The following GABRD variants were observed in gnomAD, a reference collection of about 807,000 sequenced individuals.
The protein encoded by GABRD is gamma-aminobutyric acid type A receptor subunit delta.
A neutral mutation model predicts 47.3 loss-of-function variants in GABRD; 25 were observed. The observed-to-expected ratio is 0.53, with a 90% confidence interval of 0.39 to 0.74. GABRD has a LOEUF of 0.74. Among genes scored for constraint, GABRD ranks in the 30% least tolerant of loss-of-function variants. The pLI, the probability that GABRD is intolerant of heterozygous loss-of-function variation, is 0.00. For synonymous variants in GABRD, 314 were observed against 278.8 expected (o/e 1.13, Z -1.26); for missense variants, 497 against 643.4 (o/e 0.77, Z 2.46).
chr1:2,028,264 C>T lies in GABRD; in HGVS notation c.663C>T (p.Phe221=), dbSNP rs1293843075. 12 of 1,612,040 alleles carry T rather than the reference C, an allele frequency of 7.4e-6. No homozygotes were observed. The highest frequency in any genetic ancestry group is 8.5e-6 in the Non-Finnish European group (10 of 1,179,652). The change falls in exon 6 of 9, where the codon TTC becomes TTT. Residue 221 remains phenylalanine (F), a synonymous_variant. Transcript: ENST00000378585. This position sits in a 1 kb window ranked among gnomAD's most constrained non-coding sequence, Gnocchi z 6.4. ...AGTTCACCATCACCAGCTACCGCTT[C>T]ACCACGGAGCTGATGAACTTCAAGT... ...LAQFTITSYR[F]TTELMNFKSA...
intron 8 of GABRD, 28 bp from the exon 9 acceptor site, chr1:2,029,955 C>A: frequency 6.2e-7 from 1 of 1,610,376 alleles, no homozygotes. Context: ...AGTGCTCAGC[C>A]CTGTCTCCCC....
rs201101812 is a variant in GABRD, at chr1:2,029,663, C to T, written c.960C>T (p.Phe320=). The stretch of plus-strand genomic sequence containing the variant: ...TCTACTTCTGGATCTGCTATGTCTT[C>T]GTGTTTGCCGCCCTGGTGGAGTACG... ...LDVYFWICYV[F]VFAALVEYAF... is the part of the protein sequence containing the mutation. The change falls in exon 8 of 9, where the codon TTC becomes TTT. Residue 320 remains phenylalanine (F), a synonymous_variant. Transcript: ENST00000378585. 3.2e-5 allele frequency: 51 copies of T among 1,613,582 alleles called. No homozygotes were observed. The East Asian group carries it at 1.0e-3, about 32-fold the overall frequency.
chr1:2,026,874 C>G (rs1658943453), intron 4 of GABRD: 1 of 152,408 alleles, frequency 6.6e-6, no homozygotes, highest in Admixed American at 6.5e-5. Flanking sequence ...CAGGAGGCAG[C>G]CGGGTGCAGT....
At chr1:2,021,134 G>A (rs1658759525) in intron 1 of GABRD, among the ~76,000 whole-genome samples, 1 of 152,220 alleles carries the variant, frequency 6.6e-6, no homozygotes, top group African/African-American at 2.4e-5. Context: ...GGGTGCCGTT[G>A]GGGAGGACAC....
In GABRD at chr1:2,019,448, GC is replaced by G; in HGVS notation, c.29del (p.Pro10ArgfsTer16). 1 of 1,087,350 alleles carries G rather than the reference GC, an allele frequency of 9.2e-7. No homozygotes were observed. Among genetic ancestry groups the G allele is most frequent in the Non-Finnish European group, 1.1e-6 (1 of 898,490 alleles). 67.4% of individuals were successfully genotyped at this position (1,087,350 alleles called of 1,614,324 possible). MDAPARLL[A>X]PLLLLCAQQL... ...CATGGACGCGCCCGCCCGGCTGCTG[GC>G]CCCGCTCCTGCTCCTCTGCGCGCAG... On this transcript the variant is annotated frameshift_variant, in exon 1 of 9. Coordinates refer to ENST00000378585, the MANE Select transcript of GABRD (RefSeq NM_000815.5). LOFTEE classifies it high-confidence loss of function.
rs2102151065 is a variant in GABRD, at chr1:2,028,250, A to AC, written c.651dup (p.Ser218GlnfsTer211). 1.9e-6 allele frequency: 3 copies of AC among 1,612,034 alleles called. No individual in the cohort carries two copies. The highest frequency in any genetic ancestry group is 2.5e-6 in the Non-Finnish European group (3 of 1,179,674). ...GCTGCAGCTGGCGCAGTTCACCATC[A>AC]CCAGCTACCGCTTCACCACGGAGCT... On this transcript the variant is annotated frameshift_variant, in exon 6 of 9. Transcript: ENST00000378585. LOFTEE classifies it high-confidence loss of function. This position sits in a 1 kb window ranked among gnomAD's most constrained non-coding sequence, Gnocchi z 6.4.
Position 2,025,505 on chromosome 1 carries a change from G to A in GABRD, c.250-13G>A, listed in dbSNP as rs371111781. 25 of 1,612,610 alleles carry A rather than the reference G, an allele frequency of 1.6e-5. No individual in the cohort carries two copies. The highest frequency in any genetic ancestry group is 5.3e-5 in the African/African-American group (4 of 74,948). ...AGCAAGGCTGACCCCCGGCCCCTGT[G>A]CCACCTCCACAGGAGTACACCATGA... On this transcript the variant is annotated splice_polypyrimidine_tract_variant and intron_variant, in intron 3 of 8. Coordinates refer to ENST00000378585, the MANE Select transcript of GABRD (RefSeq NM_000815.5).
At position 2,028,404 on chromosome 1, in the gene GABRD, T is replaced by A; in HGVS notation, c.691+112T>A. On this transcript the variant is annotated intron_variant, in intron 6 of 8. Transcript: ENST00000378585. The surrounding 1 kb of genome is among the most constrained non-coding windows in gnomAD (Gnocchi z 6.4). ...CTTCCGCGTGCGCCCGCCTGTGGTT[T>A]TCATGCTTTTTAGTCAAGCGCCCGC... 8.3e-7 allele frequency: 1 copy of A among 1,207,664 alleles called. No homozygotes were observed. The highest frequency in any genetic ancestry group is 2.2e-5 in the South Asian group (1 of 44,488). The allele number at this position is 1,207,664 out of a possible 1,614,324, so 74.8% of individuals were successfully genotyped here. A position where few individuals can be genotyped will look rare whatever the true frequency, so the allele number is the denominator to read the frequency against.
At chr1:2,029,006 T>G (rs1571031784) in intron 6 of GABRD, 105 bp from the exon 7 acceptor site, 3 of 1,413,856 alleles carry the variant, frequency 2.1e-6, no homozygotes, top group Non-Finnish European at 2.9e-6. Context: ...GTCTCTCTTC[T>G]GAGCCCTGGT....
chr1:2,028,323 T>TGCCCGCCGCCCCTTCCGCGCGC lies in GABRD; in HGVS notation c.691+36_691+57dup, dbSNP rs1432606925. ...ATATGCCCGCCGCCCCTTCCGCATG[T>TGCCCGCCGCCCCTTCCGCGCGC]GCCCGCCGCCCCTTCCGCGCGCGCC... On this transcript the variant is annotated intron_variant, in intron 6 of 8. Transcript: ENST00000378585. This position sits in a 1 kb window ranked among gnomAD's most constrained non-coding sequence, Gnocchi z 6.4. 9.4e-5 allele frequency: 149 copies of TGCCCGCCGCCCCTTCCGCGCGC among 1,587,764 alleles called. 2 individuals carry two copies. In the South Asian group the frequency reaches 9.4e-4, roughly 10 times the overall value.
chr1:2,025,256 G>A, intron 2 of GABRD, 78 bp from the exon 3 acceptor site: 1 of 1,548,498 alleles, frequency 6.5e-7, no homozygotes, highest in South Asian at 1.1e-5. Flanking sequence ...GCCTGTGACT[G>A]GGACCCCGGC....
Position 2,025,596 on chromosome 1 carries a change from G to A in GABRD, c.328G>A (p.Gly110Ser). 6.2e-7 allele frequency: 1 copy of A among 1,613,060 alleles called. No individual in the cohort carries two copies. The highest frequency in any genetic ancestry group is 8.5e-7 in the Non-Finnish European group (1 of 1,180,004). ...CTACAACCACACCAACGAGACCCTGGGTCTGGACAGCCGCTTCGTGGACAA... is the reference window on the plus strand; with the variant it reads ...CTACAACCACACCAACGAGACCCTGAGTCTGGACAGCCGCTTCGTGGACAA... ...LSYNHTNETL[G>S]LDSRFVDKLW... Residue 110 changes from glycine (G) to serine (S), a missense_variant, in exon 4 of 9, where the codon GGT (glycine) becomes AGT (serine). Gly to Ser is a moderately conservative substitution (Grantham distance 56). Around this residue, in one of 3 missense-constraint regions of GABRD, gnomAD observed 285 missense variants for 436.6 expected, o/e 0.65. Transcript: ENST00000378585.
Position 2,029,721 on chromosome 1 carries a change from A to C in GABRD, c.1018A>C (p.Lys340Gln). 6.2e-7 allele frequency: 1 copy of C among 1,613,370 alleles called. No homozygotes were observed. The highest frequency in any genetic ancestry group is 1.1e-5 in the South Asian group (1 of 91,090). The change falls in exon 8 of 9, where the codon AAG becomes CAG. Residue 340 changes from lysine (K) to glutamine (Q), a missense_variant. Physicochemically the swap from Lys to Gln is moderately conservative, Grantham distance 53. Transcript: ENST00000378585. Reference sequence around the variant, plus strand: ...TCATTTCAACGCCGACTACAGGAAGAAGCAGAAGGCCAAGGTCAAGGTCTC... The same window carrying C: ...TCATTTCAACGCCGACTACAGGAAGCAGCAGAAGGCCAAGGTCAAGGTCTC... The part of the protein sequence containing the change: ...FAHFNADYRK[K>Q]QKAKVKVSRP...
chr1:2,025,492 C>A (rs1658897545), intron 3 of GABRD, 26 bp from the exon 4 acceptor site: 1 of 1,611,904 alleles, frequency 6.2e-7, no homozygotes, highest in Non-Finnish European at 8.5e-7. Context: ...CAAGGCTGAC[C>A]CCCGGCCCCT....
At position 2,028,367 on chromosome 1, in the gene GABRD, C is replaced by T. The variant is rs1571031236; in HGVS notation, c.691+75C>T. On this transcript the variant is annotated intron_variant, in intron 6 of 8. Transcript: ENST00000378585. This position sits in a 1 kb window ranked among gnomAD's most constrained non-coding sequence, Gnocchi z 6.4. The stretch of plus-strand genomic sequence containing the variant: ...GCGCGCCCACCGCCCCTTCCGCGCG[C>T]GCCCACCGCCCCTTCCGCGTGCGCC... 5 of 1,332,848 alleles carry T rather than the reference C, an allele frequency of 3.8e-6. No homozygotes were observed. The highest frequency in any genetic ancestry group is 3.2e-5 in the East Asian group (1 of 31,486). The allele number at this position is 1,332,848 out of a possible 1,614,324, so 82.6% of individuals were successfully genotyped here.
At chr1:2,027,969 A>C (rs1481018720) in intron 5 of GABRD, 186 bp from the exon 6 acceptor site, 3 of 650,350 alleles carry the variant, frequency 4.6e-6, no homozygotes, top group African/African-American at 1.8e-5. Flanking sequence ...TGTCCCATCC[A>C]CCTGCCCGGA....
chr1:2,023,495 A>C (rs1439199102), intron 1 of GABRD: 2 of 150,982 alleles, frequency 1.3e-5, no homozygotes, highest in African/African-American at 4.9e-5. Flanking sequence ...CTGGGGAGCC[A>C]GGCGTGGAGG....
At chr1:2,022,756 C>T (rs1168577059) in intron 1 of GABRD, among the ~76,000 whole-genome samples, 2 of 152,264 alleles carry the variant, frequency 1.3e-5, no homozygotes, top group Non-Finnish European at 2.9e-5. Context: ...TGCCGGGCCA[C>T]TCCTGGGGGT....
intron 7 of GABRD, 54 bp from the exon 8 acceptor site, chr1:2,029,497 G>T (rs1659023506): frequency 1.2e-6 from 2 of 1,600,106 alleles, no homozygotes; most frequent in South Asian, 2.2e-5. Context: ...TCAAGGCTGG[G>T]ATGGGGCGGC....
Sources: allele counts gnomAD v4.1 joint callset (sites outside exome capture counted in the v4.1 genomes callset), GRCh38; gene constraint gnomAD v4.1.1; regional missense constraint gnomAD v4.1.1; non-coding constraint Gnocchi (gnomAD v3.1); transcripts MANE v1.5; gene names NCBI Gene and HGNC (gene_info 2026-07-23, HGNC 2026-07-21).